Variants in ASIC2 observed in about 807,000 individuals in gnomAD.
ASIC2 encodes acid sensing ion channel subunit 2.
Under a neutral mutation model 57.3 loss-of-function variants are expected in ASIC2, and 25 were observed. The ratio of observed to expected loss-of-function variants is 0.44; its 90% CI spans 0.32 to 0.61. The LOEUF is 0.61. ASIC2 is among the 20% of genes least tolerant of loss of function. The pLI is 0.06. For synonymous variants in ASIC2, 319 were observed against 307.5 expected (o/e 1.04, Z -0.39); for missense variants, 641 against 738.1 (o/e 0.87, Z 1.52).
chr17:33,765,092 G>A (rs935171169), intron 1 of ASIC2, among the ~76,000 whole-genome samples: 10 of 152,172 alleles, frequency 6.6e-5, no homozygotes, highest in African/African-American at 2.4e-4. Flanking sequence ...AGTGGAACTT[G>A]ATGGAGCATA....
chr17:33,856,182 G>A (rs539898988), intron 1 of ASIC2, among the ~76,000 whole-genome samples: 1 of 152,164 alleles, frequency 6.6e-6, no homozygotes, highest in Admixed American at 6.5e-5. Flanking sequence ...CTTACCAGCT[G>A]GGTGGCTTGG....
chr17:33,056,881 C>T (rs1019338084), intron 3 of ASIC2, among the ~76,000 whole-genome samples: 2 of 152,192 alleles, frequency 1.3e-5, no homozygotes, highest in African/African-American at 2.4e-5. Context: ...CTTGCATTAT[C>T]TCTCAAAGCT....
At chr17:33,272,568 C>A (rs993897584) in intron 1 of ASIC2, among the ~76,000 whole-genome samples, 1 of 152,124 alleles carries the variant, frequency 6.6e-6, no homozygotes, top group African/African-American at 2.4e-5. Context: ...TGAGCCCTGC[C>A]CTGCACATGG....
intron 1 of ASIC2, among the ~76,000 whole-genome samples, chr17:33,645,749 T>C (rs1248158505): frequency 6.6e-6 from 1 of 152,192 alleles, no homozygotes; most frequent in Non-Finnish European, 1.5e-5. Context: ...TCATCTCATC[T>C]GTGACTATCT....
At chr17:33,326,353 C>T (rs185735239) in intron 1 of ASIC2, among the ~76,000 whole-genome samples, 19 of 152,296 alleles carry the variant, frequency 1.2e-4, no homozygotes, top group Admixed American at 7.8e-4. Flanking sequence ...CACCAGTTCA[C>T]GCATCTTTCC....
At chr17:33,475,579 A>G (rs1259208856) in intron 1 of ASIC2, among the ~76,000 whole-genome samples, 1 of 152,208 alleles carries the variant, frequency 6.6e-6, no homozygotes, top group East Asian at 1.9e-4. Flanking sequence ...ACTTCCTTCT[A>G]ATGATGGGGG....
intron 1 of ASIC2, among the ~76,000 whole-genome samples, chr17:33,584,551 G>A (rs1209240662): frequency 6.6e-6 from 1 of 152,138 alleles, no homozygotes; most frequent in Non-Finnish European, 1.5e-5. Context: ...CAGGTTCAGG[G>A]GAGGGAGGTG....
chr17:33,031,330 T>C (rs972913849), intron 3 of ASIC2, among the ~76,000 whole-genome samples: 1 of 152,188 alleles, frequency 6.6e-6, no homozygotes, highest in Admixed American at 6.5e-5. Context: ...TTCTTATCAT[T>C]TTTTAATGTC....
chr17:34,062,542 T>G (rs2142061696), intron 1 of ASIC2, among the ~76,000 whole-genome samples: 1 of 151,708 alleles, frequency 6.6e-6, no homozygotes, highest in Middle Eastern at 3.4e-3. Flanking sequence ...TAAATGAAAT[T>G]GAAACAAAAA....
chr17:33,049,599 C>T (rs1314329568), intron 3 of ASIC2, among the ~76,000 whole-genome samples: 3 of 152,090 alleles, frequency 2.0e-5, no homozygotes, highest in African/African-American at 7.2e-5. Flanking sequence ...CGGCTCAGTA[C>T]AGTGCCTGGA....
intron 1 of ASIC2, among the ~76,000 whole-genome samples, chr17:33,579,169 C>A (rs1179381710): frequency 6.6e-6 from 1 of 151,522 alleles, no homozygotes; most frequent in Non-Finnish European, 1.5e-5. Flanking sequence ...GCCTGTAATC[C>A]CAGCTACTTG....
intron 1 of ASIC2, among the ~76,000 whole-genome samples, chr17:33,196,363 G>A (rs1197774138): frequency 6.6e-6 from 1 of 152,112 alleles, no homozygotes; most frequent in Admixed American, 6.6e-5. Context: ...CTAGAAGAAT[G>A]TCAAGGTAAC....
intron 1 of ASIC2, among the ~76,000 whole-genome samples, chr17:33,542,218 G>C (rs1169126367): frequency 6.6e-6 from 1 of 151,936 alleles, no homozygotes. Flanking sequence ...GTGTGCACGT[G>C]TCTTTATAGC....
chr17:33,882,609 C>A (rs1224434245), intron 1 of ASIC2, among the ~76,000 whole-genome samples: 1 of 152,154 alleles, frequency 6.6e-6, no homozygotes, highest in Non-Finnish European at 1.5e-5. Context: ...AGTCAGGAAA[C>A]AACAGGTGCT....
chr17:33,925,955 A>C (rs977257388), intron 1 of ASIC2, among the ~76,000 whole-genome samples: 2 of 152,320 alleles, frequency 1.3e-5, no homozygotes, highest in South Asian at 2.1e-4. Flanking sequence ...CCCCGCAATG[A>C]CAAGACTTTT....
intron 1 of ASIC2, among the ~76,000 whole-genome samples, chr17:34,128,893 C>G (rs1911869643): frequency 6.6e-6 from 1 of 152,134 alleles, no homozygotes; most frequent in African/African-American, 2.4e-5. Context: ...GCGCCACCAT[C>G]AGAAATTCTG....
intron 1 of ASIC2, among the ~76,000 whole-genome samples, chr17:33,924,164 A>G (rs1032793280): frequency 2.0e-5 from 3 of 152,238 alleles, no homozygotes; most frequent in Non-Finnish European, 2.9e-5. Flanking sequence ...AAAGCCCCTA[A>G]TAAATGGCAT....
intron 1 of ASIC2, among the ~76,000 whole-genome samples, chr17:33,837,993 C>T (rs1392982128): frequency 2.0e-5 from 3 of 152,172 alleles, no homozygotes; most frequent in Non-Finnish European, 4.4e-5. Context: ...GCATACTTCC[C>T]TTTCAACTTC....
chr17:33,313,435 TA>T (rs1280785597), intron 1 of ASIC2, among the ~76,000 whole-genome samples: 3 of 152,206 alleles, frequency 2.0e-5, no homozygotes, highest in African/African-American at 7.2e-5. Flanking sequence ...GTTTAAGAGT[TA>T]TTCTTTTCTT....
Sources: allele counts gnomAD v4.1 joint callset (sites outside exome capture counted in the v4.1 genomes callset), GRCh38; gene constraint gnomAD v4.1.1; transcripts MANE v1.5; gene names NCBI Gene and HGNC (gene_info 2026-07-23, HGNC 2026-07-21).